The following EXT2 variants were observed in gnomAD, a reference collection of about 807,000 sequenced individuals.
EXT2 encodes the protein exostosin glycosyltransferase 2, also known as exostosin-2.
EXT2 carries 53 observed loss-of-function variants against 81.6 expected under a neutral mutation model. That is an observed-to-expected ratio of 0.65 (90% confidence interval 0.52 to 0.82). The LOEUF (loss-of-function observed/expected upper bound fraction) is 0.82, where lower values mean the gene tolerates loss of function less well. Ranked by LOEUF, EXT2 falls within the 40% of genes least tolerant of loss-of-function variation. The pLI is 0.00. For synonymous variants in EXT2, 320 were observed against 340.0 expected (o/e 0.94, Z 0.65); for missense variants, 774 against 910.2 (o/e 0.85, Z 1.93).
intron 7 of EXT2, among the ~76,000 whole-genome samples, chr11:44,132,663 G>T (rs1433064263): frequency 6.6e-6 from 1 of 152,262 alleles, no homozygotes; most frequent in Middle Eastern, 3.4e-3. Context: ...CCCTTGAACA[G>T]CTCTAGTCAC....
intron 8 of EXT2, among the ~76,000 whole-genome samples, chr11:44,178,266 G>A (rs1458003322): frequency 5.9e-5 from 9 of 152,146 alleles, no homozygotes; most frequent in African/African-American, 1.9e-4. Context: ...CCTAGAATTC[G>A]CATTTCTAGC....
Position 44,107,740 on chromosome 11 carries a change from C to T in EXT2, c.28C>T (p.Arg10Trp), listed in dbSNP as rs4755228. 6 of 1,614,024 alleles carry T rather than the reference C, an allele frequency of 3.7e-6. No homozygotes were observed. Among genetic ancestry groups the T allele is most frequent in the East Asian group, 2.2e-5 (1 of 44,888 alleles). The change falls in exon 2 of 14, where the codon CGG (arginine) becomes TGG (tryptophan). Residue 10 changes from arginine to tryptophan, a missense_variant. Around this residue, in one of 2 missense-constraint regions of EXT2, gnomAD observed 626 missense variants for 670.5 expected, o/e 0.93. Transcript: ENST00000533608. The part of the protein sequence containing the change: MCASVKYNI[R>W]GPALIPRMKT... Reference sequence around the variant, plus strand: ...GTGTGCGTCGGTCAAGTATAATATCCGGGGTCCTGCCCTCATCCCAAGAAT... The same window carrying T: ...GTGTGCGTCGGTCAAGTATAATATCTGGGGTCCTGCCCTCATCCCAAGAAT...
chr11:44,102,783 C>G (rs1954005002), intron 1 of EXT2, among the ~76,000 whole-genome samples: 2 of 152,046 alleles, frequency 1.3e-5, no homozygotes, highest in African/African-American at 4.8e-5. Context: ...GTCTTACTTT[C>G]CATGACCATT....
At chr11:44,134,504 C>T (rs1954538261) in intron 7 of EXT2, among the ~76,000 whole-genome samples, 2 of 152,082 alleles carry the variant, frequency 1.3e-5, no homozygotes, top group African/African-American at 4.8e-5. Context: ...CTGAGGTAGG[C>T]CTTGAGATGG....
rs1041494947 is a variant in EXT2, at chr11:44,215,684, T to C, written c.1662+8725T>C. On this transcript the variant is annotated intron_variant, in intron 10 of 13. Transcript: ENST00000533608. ...AAATAAGCATCTCTATTTCTTCTTTTTTCTGTAGCCTTTGTCATTTCTGTA... is the reference window on the plus strand; with the variant it reads ...AAATAAGCATCTCTATTTCTTCTTTCTTCTGTAGCCTTTGTCATTTCTGTA... Among the ~76,000 whole-genome samples, 11 of 152,308 alleles carry C rather than the reference T, an allele frequency of 7.2e-5. No homozygotes were observed. The East Asian group carries it at 2.1e-3, about 29-fold the overall frequency.
chr11:44,245,411 C>T lies in EXT2; in HGVS notation c.*1124C>T, dbSNP rs1024051972. On this transcript the variant is annotated 3_prime_UTR_variant, in exon 14 of 14. Coordinates refer to ENST00000533608, the MANE Select transcript of EXT2 (RefSeq NM_207122.2). ...CTGGTATATTTAAATCATTAAATTT[C>T]AGCATTTACTAATACTGCACATGTG... 17 of 195,234 alleles carry T rather than the reference C, an allele frequency of 8.7e-5. No homozygotes were observed. The highest frequency in any genetic ancestry group is 1.8e-4 in the Non-Finnish European group (17 of 93,768). The allele number at this position is 195,234 out of a possible 1,614,324, so 12.1% of individuals were successfully genotyped here.
chr11:44,153,727 A>G (rs1410787639), intron 7 of EXT2, among the ~76,000 whole-genome samples: 3 of 152,012 alleles, frequency 2.0e-5, no homozygotes, highest in African/African-American at 7.2e-5. Context: ...ATGAATAAGT[A>G]TTGGATTTGG....
chr11:44,162,575 C>CA (rs746211630), intron 7 of EXT2, among the ~76,000 whole-genome samples: 1,529 of 45,082 alleles, frequency 0.034, 46 homozygotes, highest in African/African-American at 0.049. Context: ...GACTCCATCT[C>CA]AAAAAAAAAA....
chr11:44,157,027 C>T (rs1334788087), intron 7 of EXT2, among the ~76,000 whole-genome samples: 3 of 152,154 alleles, frequency 2.0e-5, no homozygotes, highest in East Asian at 1.9e-4. Flanking sequence ...TGGAAGAATT[C>T]GCTGGGTACT....
intron 8 of EXT2, among the ~76,000 whole-genome samples, chr11:44,174,029 T>C (rs1186557577): frequency 6.6e-6 from 1 of 152,220 alleles, no homozygotes; most frequent in Non-Finnish European, 1.5e-5. Context: ...CAAAAGACTA[T>C]ATTAATGTAT....
At chr11:44,153,954 T>C (rs925596729) in intron 7 of EXT2, among the ~76,000 whole-genome samples, 3 of 151,882 alleles carry the variant, frequency 2.0e-5, no homozygotes, top group Non-Finnish European at 4.4e-5. Flanking sequence ...GCTTCTATTT[T>C]CATGAGAGAT....
chr11:44,221,823 G>A (rs1955784948), intron 10 of EXT2, among the ~76,000 whole-genome samples: 1 of 152,160 alleles, frequency 6.6e-6, no homozygotes, highest in African/African-American at 2.4e-5. Flanking sequence ...TTGCAAAATT[G>A]TACAACTGCC....
chr11:44,171,852 A>G, intron 8 of EXT2, 110 bp downstream of exon 8: 1 of 1,529,876 alleles, frequency 6.5e-7, no homozygotes, highest in South Asian at 1.1e-5. Context: ...GCTTTCTAAG[A>G]TGAGAGTGTG....
chr11:44,227,986 A>G (rs1168208079), intron 10 of EXT2, among the ~76,000 whole-genome samples: 1 of 152,244 alleles, frequency 6.6e-6, no homozygotes, highest in African/African-American at 2.4e-5. Flanking sequence ...CCTATGATGT[A>G]AATATAAAAA....
chr11:44,200,821 A>G (rs1348876355), intron 9 of EXT2, among the ~76,000 whole-genome samples: 1 of 152,242 alleles, frequency 6.6e-6, no homozygotes, highest in African/African-American at 2.4e-5. Flanking sequence ...GGTCATCTTC[A>G]GTCAACCTGA....
intron 4 of EXT2, among the ~76,000 whole-genome samples, chr11:44,123,582 T>C (rs1954350555): frequency 6.6e-6 from 1 of 152,228 alleles, no homozygotes; most frequent in Non-Finnish European, 1.5e-5. Context: ...CTCCTGATTT[T>C]TTCAGATTTT....
chr11:44,115,201 G>A (rs925640316), intron 4 of EXT2, among the ~76,000 whole-genome samples: 5 of 152,158 alleles, frequency 3.3e-5, no homozygotes, highest in African/African-American at 4.8e-5. Flanking sequence ...GTGAAGCTGA[G>A]GTTAGGTTTT....
chr11:44,192,386 C>T (rs988804778), intron 8 of EXT2, among the ~76,000 whole-genome samples: 1 of 151,978 alleles, frequency 6.6e-6, no homozygotes, highest in African/African-American at 2.4e-5. Context: ...GTCTTCCCCA[C>T]TAGGTTATGT....
chr11:44,207,103 G>A (rs1277755706), intron 10 of EXT2, 144 bp downstream of exon 10: 2 of 919,874 alleles, frequency 2.2e-6, no homozygotes, highest in East Asian at 5.2e-5. Context: ...GTGTGCGTAA[G>A]AGTGTGGGTT....
Sources: allele counts gnomAD v4.1 joint callset (sites outside exome capture counted in the v4.1 genomes callset), GRCh38; gene constraint gnomAD v4.1.1; regional missense constraint gnomAD v4.1.1; transcripts MANE v1.5; gene names NCBI Gene and HGNC (gene_info 2026-07-23, HGNC 2026-07-21).